Variants in ARID4B observed in about 807,000 individuals in gnomAD.
The protein encoded by ARID4B is AT-rich interactive domain-containing protein 4B.
ARID4B carries 26 observed loss-of-function variants against 147.5 expected under a neutral mutation model. The observed-to-expected ratio is 0.18, with a 90% CI of 0.13 to 0.24. The LOEUF (loss-of-function observed/expected upper bound fraction) is 0.24, where lower values mean the gene tolerates loss of function less well. Ranked by LOEUF, ARID4B falls within the 10% of genes least tolerant of loss-of-function variation. The pLI, the probability that ARID4B is intolerant of heterozygous loss-of-function variation, is 1.00. For synonymous variants in ARID4B, 512 were observed against 507.9 expected, an observed-to-expected ratio of 1.01 and a Z score of -0.11; for missense variants, 1,179 against 1,511.5, an observed-to-expected ratio of 0.78 and a Z score of 3.65.
rs149277772 is a variant in ARID4B at position 235,232,675 on chromosome 1, C to T, written c.666-1486G>A. Among the ~76,000 whole-genome samples, 407 of 152,180 alleles carry T rather than the reference C, an allele frequency of 2.7e-3. 1 individual carries two copies. The Middle Eastern group carries it at 0.034, about 13-fold the overall frequency. ...ACCACACTGTACATCAGATCCTGTA[C>T]ATTTTATTCATCTTACCAATAAAAG... On this transcript the variant is annotated intron_variant, in intron 9 of 23. Transcript: ENST00000264183.
intron 1 of ARID4B, chr1:235,327,230 T>C (rs1675349954): frequency 1.1e-5 from 3 of 282,462 alleles, no homozygotes; most frequent in Admixed American, 1.0e-4. Flanking sequence ...ATGACGCCAT[T>C]TCTGTCAGAG....
At chr1:235,309,601 C>T (rs752300197) in intron 2 of ARID4B, among the ~76,000 whole-genome samples, 2 of 150,456 alleles carry the variant, frequency 1.3e-5, no homozygotes, top group East Asian at 2.0e-4. Flanking sequence ...AGGTGAGGGG[C>T]GCCTCTGCCC....
chr1:235,193,243 A>C (rs1665250897), intron 19 of ARID4B, among the ~76,000 whole-genome samples: 1 of 152,116 alleles, frequency 6.6e-6, no homozygotes, highest in Admixed American at 6.6e-5. Context: ...GAAACAATAT[A>C]AATATTAGCC....
intron 5 of ARID4B, among the ~76,000 whole-genome samples, chr1:235,254,581 G>A (rs1381418323): frequency 6.6e-6 from 1 of 151,690 alleles, no homozygotes; most frequent in Admixed American, 6.6e-5. Flanking sequence ...CAAAATAAAA[G>A]GTGACCATAC....
At position 235,182,253 on chromosome 1, in the gene ARID4B, A is replaced by C; in HGVS notation, c.2666T>G (p.Leu889Arg). 1 of 1,612,904 alleles carries C rather than the reference A, an allele frequency of 6.2e-7. No individual in the cohort carries two copies. Residue 889 changes from leucine to arginine, a missense_variant, in exon 20 of 24, where the codon CTA becomes CGA. Coordinates refer to ENST00000264183, the MANE Select transcript of ARID4B (RefSeq NM_016374.6). ...YNGLEEKRKS[L>R]RTTGFYSGFS... Reference sequence around the variant, plus strand: ...TCCTGAATAGAAACCAGTTGTCCGTAGAGATTTTCTTTTTTCCTCCAAACC... The same window carrying C: ...TCCTGAATAGAAACCAGTTGTCCGTCGAGATTTTCTTTTTTCCTCCAAACC...
chr1:235,252,370 T>G (rs1456509505), intron 6 of ARID4B, among the ~76,000 whole-genome samples: 1 of 151,592 alleles, frequency 6.6e-6, no homozygotes, highest in Non-Finnish European at 1.5e-5. Flanking sequence ...AGTTAAAGAC[T>G]GTTGTATCTA....
At chr1:235,195,175 A>C (rs1047629834) in intron 18 of ARID4B, among the ~76,000 whole-genome samples, 28 of 152,202 alleles carry the variant, frequency 1.8e-4, no homozygotes, top group African/African-American at 6.8e-4. Context: ...AGATGCATAG[A>C]AGATGCTAAT....
chr1:235,290,310 G>A lies in ARID4B; in HGVS notation c.7-29558C>T, dbSNP rs538644644. Among the ~76,000 whole-genome samples, 22 of 151,886 alleles carry A rather than the reference G, an allele frequency of 1.4e-4. No homozygotes were observed. The East Asian group carries it at 4.3e-3, about 29-fold the overall frequency. On this transcript the variant is annotated intron_variant, in intron 2 of 23. Coordinates refer to ENST00000264183, the MANE Select transcript of ARID4B (RefSeq NM_016374.6). ...ATACAAAACTTAGCGGGGCATGGTG[G>A]TGCATGCCTGTAATCCCAGCTACTC...
At chr1:235,291,119 A>G (rs944727210) in intron 2 of ARID4B, among the ~76,000 whole-genome samples, 1 of 152,228 alleles carries the variant, frequency 6.6e-6, no homozygotes, top group South Asian at 2.1e-4. Flanking sequence ...AAAATAGGCC[A>G]GGCGTGGTGG....
intron 2 of ARID4B, among the ~76,000 whole-genome samples, chr1:235,271,974 T>C (rs1228520596): frequency 1.4e-5 from 2 of 147,136 alleles, no homozygotes; most frequent in African/African-American, 5.1e-5. Flanking sequence ...TAATAAATAA[T>C]AATAATAATC....
At chr1:235,265,253 C>G (rs896189273) in intron 2 of ARID4B, among the ~76,000 whole-genome samples, 18 of 151,620 alleles carry the variant, frequency 1.2e-4, no homozygotes, top group Admixed American at 7.2e-4. Flanking sequence ...GTAATCCCAG[C>G]TACTCGGGAG....
rs569881112 is a variant in ARID4B, at chr1:235,241,061, C to T, written c.447-610G>A. On this transcript the variant is annotated intron_variant, in intron 7 of 23. Transcript: ENST00000264183. The stretch of plus-strand genomic sequence containing the variant: ...CCTTTCAGTAACATTAAATATTGGA[C>T]TAGTAAATTAGAAAGATAACTGTCA... Among the ~76,000 whole-genome samples, 2 of 152,150 alleles carry T rather than the reference C, an allele frequency of 1.3e-5. 1 individual carries two copies. Among genetic ancestry groups the T allele is most frequent in the Admixed American group, 1.3e-4 (2 of 15,290 alleles).
chr1:235,323,203 A>G (rs1183149563), intron 2 of ARID4B, among the ~76,000 whole-genome samples: 1 of 151,936 alleles, frequency 6.6e-6, no homozygotes, highest in Non-Finnish European at 1.5e-5. Context: ...ATGCCCAGCT[A>G]ATTTTTTTAT....
At chr1:235,263,911 G>A (rs12730684) in intron 2 of ARID4B, among the ~76,000 whole-genome samples, 42,029 of 151,702 alleles carry the variant, frequency 0.28, 7,344 homozygotes, top group South Asian at 0.53. Context: ...GGAGAATGGC[G>A]TGAACCTGGG....
intron 10 of ARID4B, among the ~76,000 whole-genome samples, chr1:235,229,685 C>G (rs555849152): frequency 6.6e-6 from 1 of 152,110 alleles, no homozygotes; most frequent in South Asian, 2.1e-4. Context: ...TTAAGCTTCA[C>G]TAGTAAAAAC....
At chr1:235,326,753 C>T in intron 2 of ARID4B, 161 bp downstream of exon 2, 1 of 832,848 alleles carries the variant, frequency 1.2e-6, no homozygotes. Context: ...CAGCAAAGCC[C>T]GCCAGCTGAC....
At chr1:235,230,593 C>CT (rs1323897142) in intron 10 of ARID4B, among the ~76,000 whole-genome samples, 6 of 59,174 alleles carry the variant, frequency 1.0e-4, no homozygotes, top group East Asian at 3.3e-4. Flanking sequence ...TGACTATAAG[C>CT]TAAAAAAAAA....
At chr1:235,191,735 CTTCTTATAAAACTAGGCT>C (rs1416933615) in intron 19 of ARID4B, among the ~76,000 whole-genome samples, 1 of 152,122 alleles carries the variant, frequency 6.6e-6, no homozygotes, top group African/African-American at 2.4e-5. Flanking sequence ...TCATCTGAGC[CTTCTTATAAAACTAGGCT>C]TATGCTTGTT....
Position 235,229,727 on chromosome 1 carries a change from GCAAC to G in ARID4B, c.743-346_743-343del, listed in dbSNP as rs1456401344. Reference sequence around the variant, plus strand: ...TACAGGAAATCATGTAATATCTTATGCAACAAACAATTATCAAACAGTATTAATA... The same window carrying G: ...TACAGGAAATCATGTAATATCTTATGAAACAATTATCAAACAGTATTAATA... On this transcript the variant is annotated intron_variant, in intron 10 of 23. Coordinates refer to ENST00000264183, the MANE Select transcript of ARID4B (RefSeq NM_016374.6). Among the ~76,000 whole-genome samples the G allele has an allele frequency of 2.6e-5, 4 of 151,996 alleles. 1 individual carries two copies. In the East Asian group the frequency reaches 7.7e-4, roughly 29 times the overall value.
Sources: gnomAD v4.1 joint callset for allele counts (sites outside exome capture counted in the v4.1 genomes callset) on GRCh38, gnomAD v4.1.1 for gene constraint, MANE v1.5 for transcripts, NCBI Gene and HGNC (gene_info 2026-07-23, HGNC 2026-07-21) for gene names.